Variants in RABGAP1L observed in about 807,000 individuals in gnomAD.
RABGAP1L encodes the protein rab GTPase-activating protein 1-like.
In RABGAP1L, 63 loss-of-function variants were observed where a neutral mutation model predicts 137.7. That is an observed-to-expected ratio of 0.46 (90% confidence interval 0.37 to 0.56). The LOEUF (loss-of-function observed/expected upper bound fraction) is 0.56, where lower values mean the gene tolerates loss of function less well. RABGAP1L is among the 20% of genes least tolerant of loss of function. The pLI is 0.00. For synonymous variants in RABGAP1L, 431 were observed against 433.7 expected (o/e 0.99, Z 0.08); for missense variants, 1,095 against 1,244.0 (o/e 0.88, Z 1.80).
chr1:174,774,795 A>G (rs1371099656), intron 18 of RABGAP1L, among the ~76,000 whole-genome samples: 1 of 152,122 alleles, frequency 6.6e-6, no homozygotes, highest in African/African-American at 2.4e-5. Context: ...TGGGAGGATC[A>G]CTTGGGCCTG....
intron 13 of RABGAP1L, among the ~76,000 whole-genome samples, chr1:174,550,936 A>G (rs1457394132): frequency 8.3e-5 from 11 of 132,796 alleles, no homozygotes; most frequent in Admixed American, 6.7e-4. Flanking sequence ...ATATATACAC[A>G]TATATATACA....
intron 13 of RABGAP1L, among the ~76,000 whole-genome samples, chr1:174,607,882 AT>A (rs1670902609): frequency 1.3e-5 from 2 of 152,248 alleles, no homozygotes; most frequent in African/African-American, 4.8e-5. Flanking sequence ...CATCAGGAAG[AT>A]AGTATTGAGA....
chr1:174,684,234 T>C (rs1678296867), intron 15 of RABGAP1L, among the ~76,000 whole-genome samples: 2 of 152,062 alleles, frequency 1.3e-5, no homozygotes. Context: ...GTTAAGAGAA[T>C]AGAGAGGAGA....
At chr1:174,611,580 C>T (rs1671257773) in intron 13 of RABGAP1L, among the ~76,000 whole-genome samples, 1 of 143,258 alleles carries the variant, frequency 7.0e-6, no homozygotes, top group African/African-American at 2.5e-5. Flanking sequence ...TAGTTTTTTC[C>T]AATTCTGTGA....
At chr1:174,416,733 A>G (rs1362145340) in intron 13 of RABGAP1L, among the ~76,000 whole-genome samples, 1 of 152,126 alleles carries the variant, frequency 6.6e-6, no homozygotes, top group Non-Finnish European at 1.5e-5. Context: ...CTGTTGACTT[A>G]CTAGTTTATT....
chr1:174,446,468 A>G (rs1282006211), intron 13 of RABGAP1L, among the ~76,000 whole-genome samples: 1 of 152,226 alleles, frequency 6.6e-6, no homozygotes, highest in Admixed American at 6.5e-5. Context: ...TTCAAAAGAT[A>G]GGATAACAAA....
chr1:174,833,424 A>G (rs199883151), intron 19 of RABGAP1L, among the ~76,000 whole-genome samples: 788 of 47,478 alleles, frequency 0.017, 10 homozygotes, highest in Middle Eastern at 0.058. Flanking sequence ...GTGTGTGTGT[A>G]TATATATATG....
chr1:174,360,592 A>G (rs541617987), intron 11 of RABGAP1L, among the ~76,000 whole-genome samples: 16 of 152,302 alleles, frequency 1.1e-4, no homozygotes, highest in Admixed American at 8.5e-4. Flanking sequence ...CCGAGCTTCA[A>G]AATGACCCAA....
chr1:174,375,643 C>G (rs1292049161), intron 12 of RABGAP1L, among the ~76,000 whole-genome samples: 1 of 151,986 alleles, frequency 6.6e-6, no homozygotes, highest in Non-Finnish European at 1.5e-5. Flanking sequence ...TCATAAATTG[C>G]CAAAGCTTAC....
intron 13 of RABGAP1L, among the ~76,000 whole-genome samples, chr1:174,588,390 C>T (rs1238780852): frequency 6.6e-6 from 1 of 151,220 alleles, no homozygotes; most frequent in Non-Finnish European, 1.5e-5. Flanking sequence ...GTCTCGAACT[C>T]CTGACCTCAG....
At chr1:174,662,121 T>TTG (rs59243192) in intron 14 of RABGAP1L, among the ~76,000 whole-genome samples, 30,213 of 134,934 alleles carry the variant, frequency 0.22, 5,288 homozygotes, top group African/African-American at 0.51. Context: ...TTTTTTTTTT[T>TTG]GAGTTGGAGT....
chr1:174,730,011 A>G (rs765160660), intron 17 of RABGAP1L, among the ~76,000 whole-genome samples: 43 of 152,232 alleles, frequency 2.8e-4, no homozygotes, highest in Non-Finnish European at 5.4e-4. Flanking sequence ...ATACACTTAC[A>G]TGTTAATTGC....
At chr1:174,841,911 T>A (rs1051411269) in intron 19 of RABGAP1L, among the ~76,000 whole-genome samples, 3 of 152,062 alleles carry the variant, frequency 2.0e-5, no homozygotes, top group Non-Finnish European at 4.4e-5. Context: ...TGAAACCATA[T>A]AACAGCTGCC....
intron 19 of RABGAP1L, among the ~76,000 whole-genome samples, chr1:174,950,247 C>T (rs761032123): frequency 6.6e-6 from 1 of 152,100 alleles, no homozygotes; most frequent in Admixed American, 6.6e-5. Flanking sequence ...GTCCCCACCC[C>T]CTTAAACCAT....
chr1:174,933,119 T>C (rs576164365), intron 19 of RABGAP1L, among the ~76,000 whole-genome samples: 3 of 151,744 alleles, frequency 2.0e-5, no homozygotes, highest in Non-Finnish European at 4.4e-5. Flanking sequence ...TACATACATT[T>C]ATACATACAT....
chr1:174,794,057 A>T (rs1688059727), intron 18 of RABGAP1L, among the ~76,000 whole-genome samples: 1 of 152,118 alleles, frequency 6.6e-6, no homozygotes, highest in Admixed American at 6.5e-5. Context: ...CACTACCACG[A>T]TGGCACCACT....
At chr1:174,941,686 GAAACAAAACAAAACA>G (rs140349820) in intron 19 of RABGAP1L, among the ~76,000 whole-genome samples, 39 of 150,284 alleles carry the variant, frequency 2.6e-4, no homozygotes, top group African/African-American at 9.2e-4. Flanking sequence ...CCACCAAAAC[GAAACAAAACAAAACA>G]AAACAAAACA....
chr1:174,934,308 G>A lies in RABGAP1L; in HGVS notation c.2341-23149G>A, dbSNP rs185509084. On this transcript the variant is annotated intron_variant, in intron 19 of 25. Transcript: ENST00000681986. ...TCACCATGTAGGTCAGGCTGGTCTC[G>A]AACTCCTGACCTCAGGTGATCCACC... Among the ~76,000 whole-genome samples the A allele has an allele frequency of 8.0e-3, 1,220 of 152,098 alleles. 10 individuals carry two copies. Among genetic ancestry groups the A allele is most frequent in the Non-Finnish European group, 0.013 (877 of 67,994 alleles).
At position 174,241,580 on chromosome 1, in the gene RABGAP1L, T is replaced by C; in HGVS notation, c.640T>C (p.Cys214Arg). Residue 214 changes from cysteine (C) to arginine (R), a missense_variant, in exon 5 of 26, where the codon TGC becomes CGC. By Grantham distance (180) the Cys-to-Arg change is radical. Coordinates refer to ENST00000681986, the MANE Select transcript of RABGAP1L (RefSeq NM_001366446.1). Reference protein sequence around the residue: ...RGHDGTTESNCFAFTESSHGS... With the variant: ...RGHDGTTESNRFAFTESSHGS... ...ACATGACGGAACAACAGAGAGCAATTGCTTTGCATTTACAGAGAGTTCCCA... is the reference window on the plus strand; with the variant it reads ...ACATGACGGAACAACAGAGAGCAATCGCTTTGCATTTACAGAGAGTTCCCA... 1 of 1,613,908 alleles carries C rather than the reference T, an allele frequency of 6.2e-7. No individual in the cohort carries two copies. The highest frequency in any genetic ancestry group is 1.7e-4 in the Middle Eastern group (1 of 6,060).
Sources: allele counts gnomAD v4.1 joint callset (sites outside exome capture counted in the v4.1 genomes callset), GRCh38; gene constraint gnomAD v4.1.1; transcripts MANE v1.5; gene names NCBI Gene and HGNC (gene_info 2026-07-23, HGNC 2026-07-21).